The following DTWD1 variants were observed in gnomAD, a reference collection of about 807,000 sequenced individuals.
DTWD1 encodes the protein tRNA-uridine aminocarboxypropyltransferase 1.
Under a neutral mutation model 30.2 loss-of-function variants are expected in DTWD1, and 27 were observed. The ratio of observed to expected loss-of-function variants is 0.90; its 90% CI spans 0.66 to 1.23. DTWD1 has a LOEUF of 1.23. DTWD1 is among the 50% of genes most tolerant of loss of function. The pLI, the probability that DTWD1 is intolerant of heterozygous loss-of-function variation, is 0.00. For missense variants in DTWD1, 342 were observed against 348.8 expected (o/e 0.98, Z 0.15); for synonymous variants, 99 against 113.1 (o/e 0.88, Z 0.79).
chr15:49,653,558 C>G lies in DTWD1; in HGVS notation c.*9980C>G, dbSNP rs1423841359. The G allele has an allele frequency of 6.6e-6, 1 of 152,068 alleles. No homozygotes were observed. Among genetic ancestry groups the G allele is most frequent in the Non-Finnish European group, 1.5e-5 (1 of 68,008 alleles). 9.4% of individuals were successfully genotyped at this position (152,068 alleles called of 1,614,324 possible). A position where few individuals can be genotyped will look rare whatever the true frequency, so the allele number is the denominator to read the frequency against. ...CAGCTAAGCCTTGAAGAATAGTGAA[C>G]AAACTCTTACTGGAGGATGGGAAGG... On this transcript the variant is annotated 3_prime_UTR_variant, in exon 5 of 5. Coordinates refer to ENST00000403028, the MANE Select transcript of DTWD1 (RefSeq NM_001144955.2).
At chr15:49,630,591 G>A (rs750095722) in intron 2 of DTWD1, among the ~76,000 whole-genome samples, 1 of 152,120 alleles carries the variant, frequency 6.6e-6, no homozygotes, top group Non-Finnish European at 1.5e-5. Context: ...AACCAAAAAA[G>A]CCAAAGTGAA....
chr15:49,642,055 G>A (rs1278904739), intron 4 of DTWD1, among the ~76,000 whole-genome samples: 3 of 151,656 alleles, frequency 2.0e-5, no homozygotes, highest in South Asian at 2.1e-4. Context: ...TCTCTTCCTC[G>A]AACTCCTGTT....
Position 49,651,356 on chromosome 15 carries a change from T to C in DTWD1, c.*7778T>C, listed in dbSNP as rs938051594. 4.0e-5 allele frequency: 6 copies of C among 151,794 alleles called. No homozygotes were observed. Among genetic ancestry groups the C allele is most frequent in the African/African-American group, 1.5e-4 (6 of 41,292 alleles). The allele number at this position is 151,794 out of a possible 1,614,324, so 9.4% of individuals were successfully genotyped here. On this transcript the variant is annotated 3_prime_UTR_variant, in exon 5 of 5. Coordinates refer to ENST00000403028, the MANE Select transcript of DTWD1 (RefSeq NM_001144955.2). ...CCAGAGAGCATTCAGTACTGAAGAG[T>C]CTCTAAACAATAAAGCAAACTAAAC...
intron 2 of DTWD1, among the ~76,000 whole-genome samples, chr15:49,629,178 A>G (rs2078885623): frequency 6.6e-6 from 1 of 152,224 alleles, no homozygotes; most frequent in East Asian, 1.9e-4. Flanking sequence ...ACATGTGTGA[A>G]CTAGAACACA....
At chr15:49,632,047 A>G (rs968381934) in intron 2 of DTWD1, 112 bp from the exon 3 acceptor site, 7 of 970,520 alleles carry the variant, frequency 7.2e-6, no homozygotes, top group Non-Finnish European at 9.3e-6. Flanking sequence ...AACCATATGC[A>G]TATTTATAGG....
intron 1 of DTWD1, among the ~76,000 whole-genome samples, chr15:49,621,718 C>G (rs564004597): frequency 6.6e-6 from 1 of 152,302 alleles, no homozygotes; most frequent in Admixed American, 6.5e-5. Flanking sequence ...CATGTAAGGA[C>G]TAACCCAGTG....
At chr15:49,630,628 C>G (rs528732286) in intron 2 of DTWD1, among the ~76,000 whole-genome samples, 3 of 152,056 alleles carry the variant, frequency 2.0e-5, no homozygotes, top group Admixed American at 2.0e-4. Context: ...TTACAAAATC[C>G]AAGAGAATAT....
At chr15:49,639,836 ATT>A (rs1243979183) in intron 4 of DTWD1, among the ~76,000 whole-genome samples, 3 of 152,162 alleles carry the variant, frequency 2.0e-5, no homozygotes, top group Non-Finnish European at 4.4e-5. Flanking sequence ...ATTAGATTGT[ATT>A]TTAAGTCTAA....
Position 49,647,866 on chromosome 15 carries a change from G to A in DTWD1, c.*4288G>A, listed in dbSNP as rs1156910878. 6.6e-6 allele frequency: 1 copy of A among 151,802 alleles called. No homozygotes were observed. Among genetic ancestry groups the A allele is most frequent in the East Asian group, 1.9e-4 (1 of 5,176 alleles). 9.4% of individuals were successfully genotyped at this position (151,802 alleles called of 1,614,324 possible). ...ATTCACAAAACAAGAATAGGAGAGTGTGAAAAAGAACAAGCAATAAAAAAG... is the reference window on the plus strand; with the variant it reads ...ATTCACAAAACAAGAATAGGAGAGTATGAAAAAGAACAAGCAATAAAAAAG... On this transcript the variant is annotated 3_prime_UTR_variant, in exon 5 of 5. Transcript: ENST00000403028.
At chr15:49,639,577 C>T (rs1015692129) in intron 4 of DTWD1, among the ~76,000 whole-genome samples, 9 of 151,836 alleles carry the variant, frequency 5.9e-5, no homozygotes, top group South Asian at 2.1e-4. Flanking sequence ...AAAATGTTTA[C>T]GATTTTTACT....
chr15:49,631,952 C>A, intron 2 of DTWD1: 2 of 581,972 alleles, frequency 3.4e-6, no homozygotes, highest in South Asian at 1.9e-5. Flanking sequence ...AATAGTTGTC[C>A]TAATACATGA....
At chr15:49,627,551 A>G (rs1598643372) in intron 2 of DTWD1, among the ~76,000 whole-genome samples, 2 of 152,300 alleles carry the variant, frequency 1.3e-5, no homozygotes, top group Middle Eastern at 3.4e-3. Flanking sequence ...CAAACATAAT[A>G]GAATGTACTT....
At chr15:49,635,095 C>T (rs1427960514) in intron 4 of DTWD1, among the ~76,000 whole-genome samples, 7 of 152,086 alleles carry the variant, frequency 4.6e-5, no homozygotes, top group Non-Finnish European at 5.9e-5. Flanking sequence ...AGTGCAATGG[C>T]ACAATCTTGG....
At chr15:49,642,006 A>T (rs542613159) in intron 4 of DTWD1, among the ~76,000 whole-genome samples, 2 of 152,254 alleles carry the variant, frequency 1.3e-5, no homozygotes, top group South Asian at 4.1e-4. Flanking sequence ...CATAGTCATT[A>T]TCTCTTTAAC....
rs931642232 is a variant in DTWD1 at position 49,654,715 on chromosome 15, G to A, written c.*11137G>A. On this transcript the variant is annotated 3_prime_UTR_variant, in exon 5 of 5. Transcript: ENST00000403028. Reference sequence around the variant, plus strand: ...CCTGAAAATACAGTGTAGTAAGAGTGGAGAGAAAGGCCACCTAAGGAAGAA... The same window carrying A: ...CCTGAAAATACAGTGTAGTAAGAGTAGAGAGAAAGGCCACCTAAGGAAGAA... The A allele has an allele frequency of 4.6e-5, 7 of 151,362 alleles. No individual in the cohort carries two copies. Among genetic ancestry groups the A allele is most frequent in the South Asian group, 2.1e-4 (1 of 4,794 alleles). 9.4% of individuals were successfully genotyped at this position (151,362 alleles called of 1,614,324 possible).
chr15:49,630,266 G>T (rs1279329614), intron 2 of DTWD1, among the ~76,000 whole-genome samples: 1 of 152,132 alleles, frequency 6.6e-6, no homozygotes, highest in Admixed American at 6.5e-5. Context: ...GTGGATTCAA[G>T]AATTTAACAT....
chr15:49,630,296 T>G (rs1336727146), intron 2 of DTWD1, among the ~76,000 whole-genome samples: 1 of 152,220 alleles, frequency 6.6e-6, no homozygotes, highest in African/African-American at 2.4e-5. Context: ...CTTATTAGAT[T>G]GTACACTTTA....
At chr15:49,632,066 G>T (rs1326056458) in intron 2 of DTWD1, 93 bp from the exon 3 acceptor site, 7 of 1,087,772 alleles carry the variant, frequency 6.4e-6, no homozygotes, top group Non-Finnish European at 7.9e-6. Flanking sequence ...GGAGTTTATT[G>T]TGAGCTTCCT....
intron 2 of DTWD1, among the ~76,000 whole-genome samples, chr15:49,629,016 G>C (rs371859335): frequency 4.5e-4 from 68 of 152,192 alleles, no homozygotes; most frequent in African/African-American, 1.6e-3. Flanking sequence ...GCTCCAGTGT[G>C]TGATGTTCCC....
Sources: gnomAD v4.1 joint callset for allele counts (sites outside exome capture counted in the v4.1 genomes callset) on GRCh38, gnomAD v4.1.1 for gene constraint, MANE v1.5 for transcripts, NCBI Gene and HGNC (gene_info 2026-07-23, HGNC 2026-07-21) for gene names.